The following ZMYM4 variants were observed in gnomAD, a reference collection of about 807,000 sequenced individuals.
ZMYM4 encodes zinc finger MYM-type protein 4.
Under a neutral mutation model 183.2 loss-of-function variants are expected in ZMYM4, and 31 were observed. The ratio of observed to expected loss-of-function variants is 0.17; its 90% CI spans 0.13 to 0.23. The LOEUF (loss-of-function observed/expected upper bound fraction) is 0.23, where lower values mean the gene tolerates loss of function less well. ZMYM4 is among the 10% of genes least tolerant of loss of function. The probability of loss-of-function intolerance (pLI) is 1.00; values close to 1 mark genes in which losing one functional copy is unlikely to be tolerated. For synonymous variants in ZMYM4, 592 were observed against 631.2 expected (o/e 0.94, Z 0.93); for missense variants, 1,273 against 1,840.3 (o/e 0.69, Z 5.64).
Position 35,268,998 on chromosome 1 carries a change from A to G in ZMYM4, c.-49A>G, listed in dbSNP as rs1639447973. The G allele has an allele frequency of 1.1e-5, 17 of 1,514,520 alleles. No individual in the cohort carries two copies. The East Asian group carries it at 4.3e-4, about 39-fold the overall frequency. 93.8% of individuals were successfully genotyped at this position (1,514,520 alleles called of 1,614,324 possible). ...GGCGGGGGCCGGGGGGCCGAGAGGT[A>G]CCGCCGCCACCGCGCGGGGAGCCGC... On this transcript the variant is annotated 5_prime_UTR_variant, in exon 1 of 30. Coordinates refer to ENST00000314607, the MANE Select transcript of ZMYM4 (RefSeq NM_005095.3).
chr1:35,405,284 C>T (rs1644982172), intron 24 of ZMYM4, 89 bp from the exon 25 acceptor site: 13 of 1,573,348 alleles, frequency 8.3e-6, no homozygotes, highest in Non-Finnish European at 1.1e-5. Context: ...AGGTCAAAAA[C>T]CCCATAAAAC....
intron 26 of ZMYM4, among the ~76,000 whole-genome samples, chr1:35,409,052 G>A (rs1639763669): frequency 6.6e-6 from 1 of 152,060 alleles, no homozygotes; most frequent in African/African-American, 2.4e-5. Flanking sequence ...TTTGTGTCTG[G>A]TTTCTTTCCC....
At chr1:35,381,879 T>G (rs1014240979) in intron 9 of ZMYM4, 121 bp downstream of exon 9, 4 of 1,227,712 alleles carry the variant, frequency 3.3e-6, no homozygotes, top group Non-Finnish European at 4.5e-6. Context: ...GTGCCATGGC[T>G]CACACCTGTA....
At chr1:35,350,957 A>G in intron 2 of ZMYM4, 1 of 699,704 alleles carries the variant, frequency 1.4e-6, no homozygotes, top group Non-Finnish European at 2.5e-6. Context: ...CGGCATATGC[A>G]TATGAACTGC....
intron 2 of ZMYM4, among the ~76,000 whole-genome samples, chr1:35,338,399 T>C (rs1643064674): frequency 6.6e-6 from 1 of 152,138 alleles, no homozygotes. Context: ...GGATAGAAAA[T>C]GCAGTATGTG....
chr1:35,411,420 G>T (rs748866416), intron 26 of ZMYM4, among the ~76,000 whole-genome samples: 11 of 152,072 alleles, frequency 7.2e-5, no homozygotes, highest in Admixed American at 4.6e-4. Context: ...CTCCCAAAGT[G>T]CTGGGATTAC....
chr1:35,371,415 C>T (rs1644211517), intron 7 of ZMYM4, among the ~76,000 whole-genome samples: 1 of 152,034 alleles, frequency 6.6e-6, no homozygotes. Flanking sequence ...CGCGCTTGGC[C>T]TATATTTTTA....
At chr1:35,414,204 C>A in intron 27 of ZMYM4, 121 bp downstream of exon 27, 1 of 649,950 alleles carries the variant, frequency 1.5e-6, no homozygotes, top group East Asian at 3.0e-5. Context: ...CATATTTGGA[C>A]TTCTGAGGAG....
chr1:35,289,066 G>T (rs1640638501), intron 1 of ZMYM4, among the ~76,000 whole-genome samples: 1 of 152,084 alleles, frequency 6.6e-6, no homozygotes, highest in Admixed American at 6.6e-5. Flanking sequence ...GGGTAAGATA[G>T]AAAATAAAAA....
intron 2 of ZMYM4, among the ~76,000 whole-genome samples, chr1:35,340,570 A>G: frequency 6.6e-6 from 1 of 151,860 alleles, no homozygotes; most frequent in Admixed American, 6.6e-5. Context: ...CAGACATTAG[A>G]TTCTCATAAT....
intron 1 of ZMYM4, among the ~76,000 whole-genome samples, chr1:35,286,772 A>ATTTTTTTTTTTTTTTTTT (rs71062872): frequency 2.2e-5 from 1 of 46,462 alleles, no homozygotes; most frequent in Non-Finnish European, 4.4e-5. Flanking sequence ...TATTTAAATA[A>ATTTTTTTTTTTTTTTTTT]TTTTTTTTTT....
chr1:35,356,804 A>C (rs1404946494), intron 2 of ZMYM4, among the ~76,000 whole-genome samples: 2 of 152,130 alleles, frequency 1.3e-5, no homozygotes, highest in Non-Finnish European at 1.5e-5. Flanking sequence ...TCAAGGGAGG[A>C]TGTAATGTGA....
intron 23 of ZMYM4, chr1:35,400,162 A>G (rs1273183703): frequency 6.7e-6 from 1 of 149,134 alleles, no homozygotes; most frequent in Non-Finnish European, 1.5e-5. Context: ...AAAAAAAGTA[A>G]TAATAAATAA....
intron 1 of ZMYM4, among the ~76,000 whole-genome samples, chr1:35,307,860 AC>A (rs1315370398): frequency 7.3e-6 from 1 of 136,844 alleles, no homozygotes; most frequent in Non-Finnish European, 1.6e-5. Context: ...ACGAAGTCTT[AC>A]TTCTGTCCCC....
chr1:35,381,606 T>C lies in ZMYM4; in HGVS notation c.1417T>C (p.Ser473Pro). The change falls in exon 9 of 30, where the codon TCT (serine) becomes CCT (proline). Residue 473 changes from serine to proline, a missense_variant. Ser to Pro is a moderately conservative substitution (Grantham distance 74). Transcript: ENST00000314607. ...TAAACTTTGCAGTGATGCCTGCTTCTCTAAGTTTCGTTCTGCTAACAACCT... is the reference window on the plus strand; with the variant it reads ...TAAACTTTGCAGTGATGCCTGCTTCCCTAAGTTTCGTTCTGCTAACAACCT... ...VHKLCSDACF[S>P]KFRSANNLTM... 1 of 1,614,240 alleles carries C rather than the reference T, an allele frequency of 6.2e-7. No homozygotes were observed. The highest frequency in any genetic ancestry group is 8.5e-7 in the Non-Finnish European group (1 of 1,180,048).
intron 2 of ZMYM4, among the ~76,000 whole-genome samples, chr1:35,343,078 A>G (rs575812321): frequency 3.9e-5 from 6 of 152,182 alleles, no homozygotes; most frequent in Non-Finnish European, 8.8e-5. Context: ...CCATCAGTCT[A>G]CATCTGTATT....
At chr1:35,344,017 A>G (rs1643300646) in intron 2 of ZMYM4, among the ~76,000 whole-genome samples, 1 of 151,834 alleles carries the variant, frequency 6.6e-6, no homozygotes, top group Non-Finnish European at 1.5e-5. Flanking sequence ...TTAACACCTT[A>G]AGTATATATA....
At chr1:35,336,560 A>G (rs935361199) in intron 2 of ZMYM4, among the ~76,000 whole-genome samples, 1 of 151,446 alleles carries the variant, frequency 6.6e-6, no homozygotes, top group African/African-American at 2.4e-5. Context: ...CTAATTTTGT[A>G]TTTTGGGTAT....
chr1:35,312,679 T>A (rs944893959), intron 1 of ZMYM4, among the ~76,000 whole-genome samples: 1 of 151,836 alleles, frequency 6.6e-6, no homozygotes, highest in African/African-American at 2.4e-5. Flanking sequence ...TTCTTTCCCT[T>A]CTTTCTTTTC....
Sources: gnomAD v4.1 joint callset for allele counts (sites outside exome capture counted in the v4.1 genomes callset) on GRCh38, gnomAD v4.1.1 for gene constraint, MANE v1.5 for transcripts, NCBI Gene and HGNC (gene_info 2026-07-23, HGNC 2026-07-21) for gene names.